Variants in NFIB observed in about 807,000 individuals in gnomAD.
NFIB encodes the protein nuclear factor I B.
A neutral mutation model predicts 61.5 loss-of-function variants in NFIB; 11 were observed. That is an observed-to-expected ratio of 0.18 (90% CI 0.11 to 0.30). The LOEUF (loss-of-function observed/expected upper bound fraction) is 0.30, where lower values mean the gene tolerates loss of function less well. NFIB is among the 10% of genes least tolerant of loss of function. The pLI, the probability that NFIB is intolerant of heterozygous loss-of-function variation, is 1.00. For missense variants in NFIB, 471 were observed against 608.9 expected (o/e 0.77, Z 2.38); for synonymous variants, 260 against 216.5 (o/e 1.20, Z -1.76).
chr9:14,266,255 A>G (rs1042501313), intron 2 of NFIB, among the ~76,000 whole-genome samples: 14 of 152,118 alleles, frequency 9.2e-5, no homozygotes, highest in Admixed American at 5.2e-4. Context: ...TTAATTGACT[A>G]CTAGCTATTG....
intron 2 of NFIB, among the ~76,000 whole-genome samples, chr9:14,246,189 A>G (rs906618342): frequency 2.0e-5 from 3 of 151,924 alleles, no homozygotes; most frequent in Non-Finnish European, 4.4e-5. Flanking sequence ...CCCAGACCTA[A>G]TTTTAACACT....
chr9:14,358,719 G>A (rs1334412229), intron 1 of NFIB, among the ~76,000 whole-genome samples: 3 of 152,108 alleles, frequency 2.0e-5, no homozygotes, highest in Admixed American at 6.5e-5. Context: ...TAGGCTCTAT[G>A]ACTCAGGCCC....
intron 10 of NFIB, among the ~76,000 whole-genome samples, chr9:14,109,292 G>A (rs114418432): frequency 0.011 from 1,620 of 152,116 alleles, 17 homozygotes; most frequent in African/African-American, 0.019. Context: ...TTTGGGAAAC[G>A]TGGTTCCTTC....
At chr9:14,205,799 C>G (rs962903443) in intron 2 of NFIB, among the ~76,000 whole-genome samples, 1 of 152,130 alleles carries the variant, frequency 6.6e-6, no homozygotes, top group African/African-American at 2.4e-5. Flanking sequence ...ATTATATGTC[C>G]ACACACTCAG....
chr9:14,350,740 TG>T (rs1456060979), intron 1 of NFIB, among the ~76,000 whole-genome samples: 2 of 152,014 alleles, frequency 1.3e-5, no homozygotes, highest in Non-Finnish European at 2.9e-5. Context: ...ATCGTGAGAG[TG>T]GGGGCTAGGG....
At chr9:14,443,379 T>C in the NFIB span, among the ~76,000 whole-genome samples, 5 of 152,266 alleles carry the variant, frequency 3.3e-5, no homozygotes, top group South Asian at 6.2e-4. Flanking sequence ...CTATCCAGCC[T>C]CTTCACTGAC....
chr9:14,088,796 T>C (rs973437062), intron 10 of NFIB, among the ~76,000 whole-genome samples: 1 of 152,168 alleles, frequency 6.6e-6, no homozygotes, highest in Non-Finnish European at 1.5e-5. Flanking sequence ...TACCTGCCTA[T>C]TGGGTTGAAT....
At chr9:14,164,460 A>G (rs2044558424) in intron 3 of NFIB, among the ~76,000 whole-genome samples, 1 of 152,130 alleles carries the variant, frequency 6.6e-6, no homozygotes, top group Admixed American at 6.6e-5. Flanking sequence ...GTATGTGTGT[A>G]TCTAAACATA....
In NFIB at chr9:14,216,724, A is replaced by C. The variant is rs2050969009; in HGVS notation, c.563-36944T>G. On this transcript the variant is annotated intron_variant, in intron 2 of 10. Transcript: ENST00000380953. The stretch of plus-strand genomic sequence containing the variant: ...CCCAGGTCAGGTCTACCTAACAGCC[A>C]CTTCAATTCCATCTTTCTCATGTGA... 4.6e-5 allele frequency among the ~76,000 whole-genome samples: 7 copies of C among 152,132 alleles called. 1 individual carries two copies. In the South Asian group the frequency reaches 1.5e-3, roughly 32 times the overall value.
rs188158336 is a variant in NFIB, at chr9:14,209,928, C to A, written c.563-30148G>T. Among the ~76,000 whole-genome samples the A allele has an allele frequency of 2.3e-4, 35 of 152,006 alleles. 1 individual carries two copies. The South Asian group carries it at 6.4e-3, about 28-fold the overall frequency. ...AAAAACCTGGTTGCTTAGGCATTCA[C>A]TTGGTGAGGGCTGGATCATAAATTA... On this transcript the variant is annotated intron_variant, in intron 2 of 10. Coordinates refer to ENST00000380953, the MANE Select transcript of NFIB (RefSeq NM_001190737.2).
At chr9:14,484,605 T>C in the NFIB span, among the ~76,000 whole-genome samples, 6 of 152,364 alleles carry the variant, frequency 3.9e-5, no homozygotes, top group South Asian at 6.2e-4. Flanking sequence ...TTCAGGTAAC[T>C]ATAAATTACA....
the NFIB span, among the ~76,000 whole-genome samples, chr9:14,442,863 A>G: frequency 6.6e-6 from 1 of 152,096 alleles, no homozygotes; most frequent in Admixed American, 6.5e-5. Context: ...CAACGGTATC[A>G]CTAATGTGTA....
At chr9:14,281,359 A>T (rs888486946) in intron 2 of NFIB, among the ~76,000 whole-genome samples, 6 of 152,236 alleles carry the variant, frequency 3.9e-5, no homozygotes, top group African/African-American at 1.4e-4. Context: ...AAGGAAGGCA[A>T]GGAGTAGAAA....
intron 1 of NFIB, among the ~76,000 whole-genome samples, chr9:14,398,272 T>A (rs536172735): frequency 6.6e-6 from 1 of 152,328 alleles, no homozygotes; most frequent in East Asian, 1.9e-4. Flanking sequence ...CTATGCTGTT[T>A]CTTTTCCCCG....
At position 14,206,367 on chromosome 9, in the gene NFIB, C is replaced by A. The variant is rs565455445; in HGVS notation, c.563-26587G>T. 3.5e-3 allele frequency among the ~76,000 whole-genome samples: 535 copies of A among 151,992 alleles called. 3 individuals are homozygous for A. The highest frequency in any genetic ancestry group is 0.016 in the South Asian group (77 of 4,802). On this transcript the variant is annotated intron_variant, in intron 2 of 10. Transcript: ENST00000380953. The stretch of plus-strand genomic sequence containing the variant: ...TATTTTTGGTAGAGACAGGGTTTCA[C>A]CATGCTGCCCAGGCTGGTCTCAAAC...
At chr9:14,320,225 A>G (rs1272067836) in intron 1 of NFIB, among the ~76,000 whole-genome samples, 1 of 152,238 alleles carries the variant, frequency 6.6e-6, no homozygotes, top group Non-Finnish European at 1.5e-5. Context: ...TCAATTTCCT[A>G]TTAAAATAGC....
the NFIB span, among the ~76,000 whole-genome samples, chr9:14,441,849 G>A: frequency 6.6e-6 from 1 of 152,138 alleles, no homozygotes; most frequent in Admixed American, 6.5e-5. Flanking sequence ...CAGACCCTTT[G>A]TACAGTACAC....
the NFIB span, among the ~76,000 whole-genome samples, chr9:14,453,304 C>T: frequency 6.1e-4 from 93 of 152,328 alleles, no homozygotes; most frequent in Middle Eastern, 3.4e-3. Context: ...GCTAGTCTGT[C>T]ATGTTTGAAG....
chr9:14,304,755 C>A (rs1264985157), intron 2 of NFIB, among the ~76,000 whole-genome samples: 1 of 152,184 alleles, frequency 6.6e-6, no homozygotes, highest in Non-Finnish European at 1.5e-5. Context: ...AGTCATCACT[C>A]GCGATATGCA....
Sources: allele counts gnomAD v4.1 joint callset (sites outside exome capture counted in the v4.1 genomes callset), GRCh38; gene constraint gnomAD v4.1.1; transcripts MANE v1.5; gene names NCBI Gene and HGNC (gene_info 2026-07-23, HGNC 2026-07-21).